Variants in STRN3 observed in about 807,000 individuals in gnomAD.
STRN3 encodes the protein striatin-3.
Under a neutral mutation model 95.6 loss-of-function variants are expected in STRN3, and 29 were observed. The ratio of observed to expected loss-of-function variants is 0.30; its 90% CI spans 0.23 to 0.41. The LOEUF (loss-of-function observed/expected upper bound fraction) is 0.41, where lower values mean the gene tolerates loss of function less well. Among genes scored for constraint, STRN3 ranks in the 10% least tolerant of loss-of-function variants. The pLI is 1.00. For missense variants in STRN3, 890 were observed against 972.1 expected, an observed-to-expected ratio of 0.92 and a Z score of 1.12; for synonymous variants, 331 against 357.6, an observed-to-expected ratio of 0.93 and a Z score of 0.84.
At chr14:30,956,385 G>A in intron 1 of STRN3, 143 bp from the exon 2 acceptor site, 1 of 738,026 alleles carries the variant, frequency 1.4e-6, no homozygotes, top group South Asian at 1.8e-5. Context: ...CCAGGCAATG[G>A]CTCACACCTG....
In STRN3 at chr14:30,902,959, A is replaced by G. The variant is rs560028047; in HGVS notation, c.2030-316T>C. The stretch of plus-strand genomic sequence containing the variant: ...TTATTACTTCTAATACACAGTCCAT[A>G]TAAGAGTTATAAGCATTTAAAGAAG... On this transcript the variant is annotated intron_variant, in intron 15 of 17. Coordinates refer to ENST00000357479, the MANE Select transcript of STRN3 (RefSeq NM_001083893.2). 3.3e-4 allele frequency among the ~76,000 whole-genome samples: 51 copies of G among 152,306 alleles called. No homozygotes were observed. The South Asian group carries it at 0.01, about 30-fold the overall frequency.
Position 30,911,075 on chromosome 14 carries a change from C to G in STRN3, c.1686G>C (p.Met562Ile), listed in dbSNP as rs1483740630. The part of the protein sequence containing the change: ...GIDATIQWWN[M>I]PSPSVDPYDT... ...CATATGGATCTACACTGGGACTCGG[C>G]ATATTCCACCACTGGATGGTTGCAT... Residue 562 changes from methionine to isoleucine, a missense_variant, in exon 13 of 18, where the codon ATG (methionine) becomes ATC (isoleucine). Physicochemically the swap from Met to Ile is conservative, Grantham distance 10. Around this residue, in one of 3 missense-constraint regions of STRN3, gnomAD observed 357 missense variants for 422.8 expected, o/e 0.84. Transcript: ENST00000357479. 1 of 1,613,956 alleles carries G rather than the reference C, an allele frequency of 6.2e-7. No individual in the cohort carries two copies. Among genetic ancestry groups the G allele is most frequent in the African/African-American group, 1.3e-5 (1 of 74,912 alleles).
intron 1 of STRN3, among the ~76,000 whole-genome samples, chr14:30,981,702 T>C (rs1389913570): frequency 6.6e-6 from 1 of 152,084 alleles, no homozygotes; most frequent in Non-Finnish European, 1.5e-5. Flanking sequence ...CAGTACCTGC[T>C]CAATTTCTGT....
At chr14:30,924,144 T>C (rs530108248) in intron 8 of STRN3, among the ~76,000 whole-genome samples, 1 of 150,180 alleles carries the variant, frequency 6.7e-6, no homozygotes, top group East Asian at 1.9e-4. Flanking sequence ...CATGAGAGTA[T>C]CTTTGTTTAA....
At chr14:30,999,237 G>A (rs547892508) in intron 1 of STRN3, among the ~76,000 whole-genome samples, 1 of 151,936 alleles carries the variant, frequency 6.6e-6, no homozygotes. Context: ...GTGGAGATGG[G>A]GGGTCTCACT....
chr14:30,929,266 T>C lies in STRN3; in HGVS notation c.1034A>G (p.Gln345Arg). 2 of 1,613,670 alleles carry C rather than the reference T, an allele frequency of 1.2e-6. No homozygotes were observed. Among genetic ancestry groups the C allele is most frequent in the Non-Finnish European group, 1.7e-6 (2 of 1,179,756 alleles). Reference protein sequence around the residue: ...SPTAEVWDVDQGLISKLKEQY... With the variant: ...SPTAEVWDVDRGLISKLKEQY... ...TTCCTTCAGTTTACTTATTAGTCCC[T>C]GGTCTACATCCCAAACCTCAGCAGT... is the stretch of plus-strand genomic sequence containing the variant. The change falls in exon 8 of 18, where the codon CAG becomes CGG. Residue 345 changes from glutamine (Q) to arginine (R), a missense_variant. Gln to Arg is a conservative substitution (Grantham distance 43). Around this residue, in one of 3 missense-constraint regions of STRN3, gnomAD observed 526 missense variants for 526.3 expected, o/e 1.00. Transcript: ENST00000357479.
intron 1 of STRN3, among the ~76,000 whole-genome samples, chr14:31,023,409 A>G (rs984200318): frequency 6.6e-6 from 1 of 152,156 alleles, no homozygotes; most frequent in Admixed American, 6.5e-5. Flanking sequence ...TTTACTCTAA[A>G]TTCTTTTTAC....
Position 31,026,233 on chromosome 14 carries a change from G to T in STRN3, c.-48C>A. 7.3e-7 allele frequency: 1 copy of T among 1,376,654 alleles called. No homozygotes were observed. The highest frequency in any genetic ancestry group is 2.6e-4 in the Middle Eastern group (1 of 3,794). The allele number at this position is 1,376,654 out of a possible 1,614,324, so 85.3% of individuals were successfully genotyped here. On this transcript the variant is annotated 5_prime_UTR_variant, in exon 1 of 18. Coordinates refer to ENST00000357479, the MANE Select transcript of STRN3 (RefSeq NM_001083893.2). ...GCGCAGGGCGAGACGCCGACAGCTGGGGGAAGGGCCGGAGAGGGTGGCCCC... is the reference window on the plus strand; with the variant it reads ...GCGCAGGGCGAGACGCCGACAGCTGTGGGAAGGGCCGGAGAGGGTGGCCCC...
At chr14:30,934,282 C>A (rs187431016) in intron 7 of STRN3, among the ~76,000 whole-genome samples, 1 of 152,244 alleles carries the variant, frequency 6.6e-6, no homozygotes, top group East Asian at 1.9e-4. Context: ...CAAGATTGCA[C>A]CACTGCATTG....
At chr14:30,905,618 T>C in intron 14 of STRN3, 60 bp from the exon 15 acceptor site, 2 of 1,528,158 alleles carry the variant, frequency 1.3e-6, no homozygotes, top group African/African-American at 2.8e-5. Context: ...AAATCTCTAC[T>C]TTTTGAAATC....
intron 7 of STRN3, 141 bp downstream of exon 7, chr14:30,935,022 A>G (rs901573111): frequency 5.6e-5 from 59 of 1,052,480 alleles, no homozygotes; most frequent in Non-Finnish European, 7.3e-5. Flanking sequence ...AAATACCTTG[A>G]TATTATTCAA....
At chr14:30,961,930 C>G (rs1180120448) in intron 1 of STRN3, among the ~76,000 whole-genome samples, 1 of 152,018 alleles carries the variant, frequency 6.6e-6, no homozygotes, top group Non-Finnish European at 1.5e-5. Flanking sequence ...AGAGTGTATT[C>G]CTACCTATAA....
At chr14:31,024,528 C>A (rs1222184262) in intron 1 of STRN3, among the ~76,000 whole-genome samples, 1 of 152,154 alleles carries the variant, frequency 6.6e-6, no homozygotes, top group South Asian at 2.1e-4. Flanking sequence ...AAATGACTAA[C>A]AAGTGTTACT....
In STRN3 at chr14:30,926,310, T is replaced by C. The variant is rs547639074; in HGVS notation, c.1099+2891A>G. 3.9e-4 allele frequency among the ~76,000 whole-genome samples: 59 copies of C among 152,186 alleles called. No homozygotes were observed. The South Asian group carries it at 0.012, about 32-fold the overall frequency. On this transcript the variant is annotated intron_variant, in intron 8 of 17. Transcript: ENST00000357479. ...GAAACAAATCTATAGGTTTAACTAA[T>C]GGAAGCTAAGTTAAATACACAAAAA...
At position 30,941,994 on chromosome 14, in the gene STRN3, A is replaced by G. The variant is rs1879116912; in HGVS notation, c.716+5096T>C. Among the ~76,000 whole-genome samples, 11 of 152,198 alleles carry G rather than the reference A, an allele frequency of 7.2e-5. No individual in the cohort carries two copies. The South Asian group carries it at 2.1e-3, about 29-fold the overall frequency. On this transcript the variant is annotated intron_variant, in intron 5 of 17. Transcript: ENST00000357479. ...CCTATTTAAACCTCACTGAATACCT[A>G]TAATTCCTTAGCCTTTGTGGCTTTA...
In STRN3 at chr14:30,919,052, A is replaced by G; in HGVS notation, c.1154T>C (p.Leu385Pro). 6.2e-7 allele frequency: 1 copy of G among 1,611,880 alleles called. No individual in the cohort carries two copies. ...AATGATTCCTGAAGGGATGTGGGGC[A>G]GCTCATCATCTCCCAGATCAGCTAT... ...DMIADLGDDE[L>P]PHIPSGIINQ... Residue 385 changes from leucine (L) to proline (P), a missense_variant, in exon 9 of 18, where the codon CTG becomes CCG. Transcript: ENST00000357479.
intron 1 of STRN3, among the ~76,000 whole-genome samples, chr14:31,002,929 A>G (rs1335087347): frequency 6.6e-6 from 1 of 152,132 alleles, no homozygotes; most frequent in African/African-American, 2.4e-5. Flanking sequence ...AGGTTGCACA[A>G]CATAAATGTA....
chr14:30,948,340 C>G (rs1231402340), intron 4 of STRN3, among the ~76,000 whole-genome samples: 2 of 152,086 alleles, frequency 1.3e-5, no homozygotes, highest in African/African-American at 4.8e-5. Context: ...CCTGGGTATA[C>G]AGATGTGGGT....
intron 9 of STRN3, among the ~76,000 whole-genome samples, chr14:30,915,440 AAT>A (rs1297403739): frequency 6.6e-6 from 1 of 152,156 alleles, no homozygotes; most frequent in Non-Finnish European, 1.5e-5. Context: ...CCTGACAGAA[AAT>A]ATATAGAGAT....
Sources: allele counts gnomAD v4.1 joint callset (sites outside exome capture counted in the v4.1 genomes callset), GRCh38; gene constraint gnomAD v4.1.1; regional missense constraint gnomAD v4.1.1; transcripts MANE v1.5; gene names NCBI Gene and HGNC (gene_info 2026-07-23, HGNC 2026-07-21).